Variants in ELMO1 observed in about 807,000 individuals in gnomAD.
ELMO1 encodes engulfment and cell motility 1, also known as engulfment and cell motility protein 1.
A neutral mutation model predicts 98.9 loss-of-function variants in ELMO1; 26 were observed. The ratio of observed to expected loss-of-function variants is 0.26; its 90% confidence interval spans 0.19 to 0.36. ELMO1 has a LOEUF of 0.36. Among genes scored for constraint, ELMO1 ranks in the 10% least tolerant of loss-of-function variants. The probability of loss-of-function intolerance (pLI) is 1.00; values close to 1 mark genes in which losing one functional copy is unlikely to be tolerated. For missense variants in ELMO1, 627 were observed against 935.2 expected (o/e 0.67, Z 4.30); for synonymous variants, 346 against 346.0 (o/e 1.00, Z 0.00).
intron 15 of ELMO1, among the ~76,000 whole-genome samples, chr7:37,087,421 C>T (rs1345289464): frequency 6.6e-6 from 1 of 151,598 alleles, no homozygotes; most frequent in African/African-American, 2.4e-5. Context: ...ATGATGCTAG[C>T]TTGTCACTTT....
chr7:37,174,418 T>C (rs941542849), intron 13 of ELMO1, among the ~76,000 whole-genome samples: 1 of 152,188 alleles, frequency 6.6e-6, no homozygotes, highest in Non-Finnish European at 1.5e-5. Context: ...AAGATTAAAA[T>C]GTTTTCTGAT....
At chr7:37,295,556 G>T (rs1394142980) in intron 4 of ELMO1, among the ~76,000 whole-genome samples, 6 of 152,214 alleles carry the variant, frequency 3.9e-5, no homozygotes, top group Admixed American at 3.9e-4. Flanking sequence ...TTGAAACAAT[G>T]TACTGACTAT....
intron 16 of ELMO1, among the ~76,000 whole-genome samples, chr7:36,917,904 G>T (rs186798305): frequency 2.6e-5 from 4 of 151,744 alleles, no homozygotes; most frequent in African/African-American, 9.7e-5. Flanking sequence ...GCAAATGTGG[G>T]AAGTTTATAC....
chr7:37,372,513 CA>C (rs1371777267), intron 1 of ELMO1, among the ~76,000 whole-genome samples: 1 of 152,152 alleles, frequency 6.6e-6, no homozygotes, highest in African/African-American at 2.4e-5. Flanking sequence ...TCAAGCAGGT[CA>C]AAATAAAATT....
At chr7:36,985,855 G>A (rs1324649445) in intron 16 of ELMO1, 1 of 976,712 alleles carries the variant, frequency 1.0e-6, no homozygotes, top group Non-Finnish European at 1.2e-6. Context: ...CAGACAATAG[G>A]ACAAAGCTAC....
chr7:37,439,653 C>G (rs1439001257), intron 1 of ELMO1, among the ~76,000 whole-genome samples: 2 of 152,142 alleles, frequency 1.3e-5, no homozygotes, highest in African/African-American at 4.8e-5. Context: ...AGGATAAGCT[C>G]AACATCTGTT....
Position 37,076,765 on chromosome 7 carries a change from G to A in ELMO1, c.1300+19854C>T, listed in dbSNP as rs186543576. Among the ~76,000 whole-genome samples, 127 of 152,278 alleles carry A rather than the reference G, an allele frequency of 8.3e-4. No homozygotes were observed. The Middle Eastern group carries it at 0.01, about 12-fold the overall frequency. On this transcript the variant is annotated intron_variant, in intron 15 of 21. Coordinates refer to ENST00000310758, the MANE Select transcript of ELMO1 (RefSeq NM_014800.11). ...CACCTCCTTCCGACTGCCAGTGATG[G>A]TATCATCCTGAGGGTGCACAACGCT... is the stretch of plus-strand genomic sequence containing the variant.
At chr7:37,104,904 G>A (rs928389643) in intron 14 of ELMO1, among the ~76,000 whole-genome samples, 7 of 151,768 alleles carry the variant, frequency 4.6e-5, no homozygotes. Context: ...ATAACAATCT[G>A]GACAAATGAG....
intron 13 of ELMO1, among the ~76,000 whole-genome samples, chr7:37,155,503 A>AAAAAAAAAAAAAT (rs61189239): frequency 0.38 from 50,452 of 131,060 alleles, 9,542 homozygotes; most frequent in East Asian, 0.58. Flanking sequence ...AAAAAAAAAA[A>AAAAAAAAAAAAAT]AAAAAGCAGG....
intron 15 of ELMO1, among the ~76,000 whole-genome samples, chr7:37,085,920 G>C (rs1783742236): frequency 6.6e-6 from 1 of 152,208 alleles, no homozygotes; most frequent in Admixed American, 6.5e-5. Context: ...TAACCACTGG[G>C]ATTTTAGGAA....
chr7:37,064,367 C>G (rs1482848656), intron 15 of ELMO1, among the ~76,000 whole-genome samples: 2 of 152,176 alleles, frequency 1.3e-5, no homozygotes, highest in African/African-American at 4.8e-5. Context: ...TCTGCATATC[C>G]TCTGCGATGC....
chr7:37,007,006 A>G lies in ELMO1; in HGVS notation c.1437+6293T>C, dbSNP rs140342445. ...GGCAAACTCCATGGAAATAGGTAAC[A>G]CTATCTTACATGAACAGCTTAAACA... On this transcript the variant is annotated intron_variant, in intron 16 of 21. Coordinates refer to ENST00000310758, the MANE Select transcript of ELMO1 (RefSeq NM_014800.11). 2.4e-3 allele frequency among the ~76,000 whole-genome samples: 371 copies of G among 151,860 alleles called. 1 individual carries two copies. Among genetic ancestry groups the G allele is most frequent in the African/African-American group, 8.8e-3 (361 of 41,250 alleles).
At chr7:37,276,204 TA>T (rs1796823585) in intron 4 of ELMO1, among the ~76,000 whole-genome samples, 1 of 152,162 alleles carries the variant, frequency 6.6e-6, no homozygotes, top group African/African-American at 2.4e-5. Flanking sequence ...CCAAGTGAGA[TA>T]ATCCATTTAA....
chr7:36,948,692 A>G (rs1051218139), intron 16 of ELMO1, among the ~76,000 whole-genome samples: 3 of 152,178 alleles, frequency 2.0e-5, no homozygotes, highest in African/African-American at 7.2e-5. Flanking sequence ...ATGAAGAAGG[A>G]AACTGAGGGC....
intron 16 of ELMO1, chr7:36,986,659 C>T (rs917577757): frequency 1.3e-5 from 2 of 152,124 alleles, no homozygotes; most frequent in African/African-American, 2.4e-5. Flanking sequence ...ATCTCTTCCC[C>T]TCTCTCTACT....
At chr7:37,120,208 G>A (rs907643353) in intron 14 of ELMO1, among the ~76,000 whole-genome samples, 3 of 152,186 alleles carry the variant, frequency 2.0e-5, no homozygotes, top group Non-Finnish European at 2.9e-5. Context: ...AGCTCCCAGC[G>A]TGAGCAACTC....
intron 2 of ELMO1, among the ~76,000 whole-genome samples, chr7:37,320,257 G>A (rs191547736): frequency 1.1e-4 from 16 of 151,036 alleles, no homozygotes; most frequent in African/African-American, 3.9e-4. Flanking sequence ...CCAGCCTGGC[G>A]ACAGAGCAAG....
At chr7:37,154,706 C>A (rs575990851) in intron 13 of ELMO1, among the ~76,000 whole-genome samples, 1 of 152,248 alleles carries the variant, frequency 6.6e-6, no homozygotes, top group South Asian at 2.1e-4. Flanking sequence ...CTGCAAATGA[C>A]GGGGAGAATG....
At chr7:37,184,378 G>A (rs1791067679) in intron 13 of ELMO1, among the ~76,000 whole-genome samples, 1 of 152,124 alleles carries the variant, frequency 6.6e-6, no homozygotes. Context: ...CAGAGATGTG[G>A]GGAGACACGG....
Sources: gnomAD v4.1 joint callset for allele counts (sites outside exome capture counted in the v4.1 genomes callset) on GRCh38, gnomAD v4.1.1 for gene constraint, MANE v1.5 for transcripts, NCBI Gene and HGNC (gene_info 2026-07-23, HGNC 2026-07-21) for gene names.